The following NCKAP5 variants were observed in gnomAD, a reference collection of about 807,000 sequenced individuals.
NCKAP5 encodes the protein nck-associated protein 5.
Under a neutral mutation model 167.0 loss-of-function variants are expected in NCKAP5, and 92 were observed. That is an observed-to-expected ratio of 0.55 (90% CI 0.47 to 0.66). The LOEUF (loss-of-function observed/expected upper bound fraction) is 0.66, where lower values mean the gene tolerates loss of function less well. Among genes scored for constraint, NCKAP5 ranks in the 30% least tolerant of loss-of-function variants. The pLI is 0.00. For synonymous variants in NCKAP5, 891 were observed against 877.4 expected, an observed-to-expected ratio of 1.02 and a Z score of -0.27; for missense variants, 2,378 against 2,315.0, an observed-to-expected ratio of 1.03 and a Z score of -0.56.
chr2:133,137,553 T>C (rs1294978114), intron 5 of NCKAP5, among the ~76,000 whole-genome samples: 3 of 151,862 alleles, frequency 2.0e-5, no homozygotes, highest in Non-Finnish European at 4.4e-5. Context: ...AGATGGGCAC[T>C]TGGATGGATC....
At chr2:133,547,001 G>A (rs922767700) in intron 2 of NCKAP5, among the ~76,000 whole-genome samples, 25 of 152,282 alleles carry the variant, frequency 1.6e-4, no homozygotes, top group African/African-American at 5.5e-4. Context: ...CAGACAGTGG[G>A]CGCAGGCCAG....
chr2:132,728,969 A>G lies in NCKAP5; in HGVS notation c.5444-17T>C, dbSNP rs778180091. On this transcript the variant is annotated splice_polypyrimidine_tract_variant and intron_variant, in intron 17 of 19. Coordinates refer to ENST00000409261, the MANE Select transcript of NCKAP5 (RefSeq NM_207363.3). ...TGACTTTTCCTAAATGAGGACACGT[A>G]TGTGGAATCACATATCACCTTTCAT... The G allele has an allele frequency of 3.1e-6, 5 of 1,613,488 alleles. No homozygotes were observed. The highest frequency in any genetic ancestry group is 4.2e-6 in the Non-Finnish European group (5 of 1,179,696).
In NCKAP5 at chr2:133,536,520, T is replaced by C. The variant is rs377434281; in HGVS notation, c.-61-18933A>G. Among the ~76,000 whole-genome samples, 6 of 152,216 alleles carry C rather than the reference T, an allele frequency of 3.9e-5. No individual in the cohort carries two copies. The East Asian group carries it at 5.8e-4, about 15-fold the overall frequency. ...TGTGTCTGTTTTTGTACCAGTACCA[T>C]GCTGTTTTGGCCAGTATAGCCTTGT... On this transcript the variant is annotated intron_variant, in intron 2 of 19. Transcript: ENST00000409261.
chr2:132,902,075 AG>A (rs1462088956), intron 8 of NCKAP5, among the ~76,000 whole-genome samples: 1 of 152,248 alleles, frequency 6.6e-6, no homozygotes, highest in Admixed American at 6.5e-5. Context: ...CATATACAGA[AG>A]CAATTATTAC....
chr2:133,416,294 T>G (rs545241286), intron 3 of NCKAP5, among the ~76,000 whole-genome samples: 1 of 152,292 alleles, frequency 6.6e-6, no homozygotes, highest in Non-Finnish European at 1.5e-5. Flanking sequence ...ATGTGTCCCG[T>G]TTTCCAGATT....
chr2:132,966,850 C>G (rs928847021), intron 7 of NCKAP5, among the ~76,000 whole-genome samples: 1 of 152,114 alleles, frequency 6.6e-6, no homozygotes. Flanking sequence ...GCACTACACT[C>G]AGGGCCATGT....
At chr2:132,852,950 G>C (rs1689185116) in intron 11 of NCKAP5, among the ~76,000 whole-genome samples, 1 of 152,150 alleles carries the variant, frequency 6.6e-6, no homozygotes, top group Non-Finnish European at 1.5e-5. Flanking sequence ...GTCTGAAACT[G>C]TGTCTAAACT....
chr2:133,151,547 G>A (rs1045320021), intron 5 of NCKAP5, among the ~76,000 whole-genome samples: 11 of 152,084 alleles, frequency 7.2e-5, no homozygotes, highest in Non-Finnish European at 1.3e-4. Context: ...AGAGTCTAGG[G>A]AACTGGAAAT....
chr2:133,513,738 T>C lies in NCKAP5; in HGVS notation c.69+3720A>G, dbSNP rs571475783. Among the ~76,000 whole-genome samples the C allele has an allele frequency of 9.2e-4, 140 of 152,314 alleles. 2 individuals are homozygous for C. In the South Asian group the frequency reaches 0.029, roughly 31 times the overall value. On this transcript the variant is annotated intron_variant, in intron 3 of 19. Transcript: ENST00000409261. Reference sequence around the variant, plus strand: ...GAACTGAGGATTTAGTGTGGCAGTGTGGCAAACGTTTTTTCTTCCTTTTGT... The same window carrying C: ...GAACTGAGGATTTAGTGTGGCAGTGCGGCAAACGTTTTTTCTTCCTTTTGT...
chr2:133,505,928 A>T (rs561274574), intron 3 of NCKAP5, among the ~76,000 whole-genome samples: 21 of 152,344 alleles, frequency 1.4e-4, no homozygotes, highest in African/African-American at 4.8e-4. Flanking sequence ...ACAGCCTCCA[A>T]AACAATTCCT....
At chr2:133,468,854 A>G (rs1263532459) in intron 3 of NCKAP5, among the ~76,000 whole-genome samples, 1 of 151,476 alleles carries the variant, frequency 6.6e-6, no homozygotes, top group Non-Finnish European at 1.5e-5. Flanking sequence ...TTTGTTTTCC[A>G]TTTGCTTGGT....
intron 16 of NCKAP5, among the ~76,000 whole-genome samples, chr2:132,739,428 T>C (rs931957744): frequency 2.0e-5 from 3 of 152,182 alleles, no homozygotes; most frequent in Non-Finnish European, 2.9e-5. Context: ...AAGACTGAGC[T>C]CAAAGACCTG....
intron 5 of NCKAP5, among the ~76,000 whole-genome samples, chr2:133,172,155 C>T (rs1002183272): frequency 8.5e-5 from 13 of 152,168 alleles, no homozygotes; most frequent in South Asian, 4.2e-4. Flanking sequence ...TTACAAATGG[C>T]GTAAAATATC....
chr2:133,127,064 A>C (rs1249806018), intron 6 of NCKAP5, among the ~76,000 whole-genome samples: 1 of 152,202 alleles, frequency 6.6e-6, no homozygotes, highest in Non-Finnish European at 1.5e-5. Context: ...AGAGAAAAAA[A>C]GAAAAAAATT....
chr2:132,743,850 A>C (rs530374618), intron 16 of NCKAP5, among the ~76,000 whole-genome samples: 10 of 151,812 alleles, frequency 6.6e-5, no homozygotes, highest in African/African-American at 2.4e-4. Flanking sequence ...GGGACAGAAA[A>C]ATATATAGCA....
At chr2:133,206,319 C>T (rs147513355) in intron 5 of NCKAP5, among the ~76,000 whole-genome samples, 8,649 of 152,052 alleles carry the variant, frequency 0.057, 787 homozygotes, top group African/African-American at 0.19. Context: ...CAGCTGGAGC[C>T]GAGGCAGAAG....
chr2:133,137,284 A>C (rs1314218579), intron 5 of NCKAP5, among the ~76,000 whole-genome samples: 1 of 152,160 alleles, frequency 6.6e-6, no homozygotes, highest in East Asian at 1.9e-4. Context: ...TAACAGAAGA[A>C]TCAGAATCAG....
chr2:132,824,049 T>C (rs1686953797), intron 11 of NCKAP5, among the ~76,000 whole-genome samples: 1 of 152,156 alleles, frequency 6.6e-6, no homozygotes, highest in Admixed American at 6.5e-5. Flanking sequence ...TGACTGTGGG[T>C]AATACATCTT....
At chr2:133,164,334 T>C (rs995995016) in intron 5 of NCKAP5, among the ~76,000 whole-genome samples, 1 of 152,188 alleles carries the variant, frequency 6.6e-6, no homozygotes, top group African/African-American at 2.4e-5. Context: ...GGAAAGATGA[T>C]AGAAGGTAAA....
Sources: gnomAD v4.1 joint callset for allele counts (sites outside exome capture counted in the v4.1 genomes callset) on GRCh38, gnomAD v4.1.1 for gene constraint, MANE v1.5 for transcripts, NCBI Gene and HGNC (gene_info 2026-07-23, HGNC 2026-07-21) for gene names.